GMEB1: variants seen among roughly 807,000 people sequenced by gnomAD.
The protein encoded by GMEB1 is glucocorticoid modulatory element binding protein 1, also known as glucocorticoid modulatory element-binding protein 1.
GMEB1 carries 6 observed loss-of-function variants against 52.4 expected under a neutral mutation model. The ratio of observed to expected loss-of-function variants is 0.11; its 90% CI spans 0.06 to 0.23. The LOEUF is 0.23. Ranked by LOEUF, GMEB1 falls within the 10% of genes least tolerant of loss-of-function variation. GMEB1 has a pLI of 1.00. For synonymous variants in GMEB1, 255 were observed against 244.9 expected, an observed-to-expected ratio of 1.04 and a Z score of -0.38; for missense variants, 486 against 685.6, an observed-to-expected ratio of 0.71 and a Z score of 3.25.
rs369685308 is a variant in GMEB1, at chr1:28,709,579, A to C, written c.869-941A>C. Among the ~76,000 whole-genome samples the C allele has an allele frequency of 3.3e-5, 5 of 151,972 alleles. No homozygotes were observed. In the East Asian group the frequency reaches 9.7e-4, roughly 30 times the overall value. On this transcript the variant is annotated intron_variant, in intron 8 of 9. Transcript: ENST00000373816. ...ATAAACAGATGCAAGATATTAAAAA[A>C]AAAAAATTTTTTTGAGATGGAGTCT...
At chr1:28,712,543 G>A (rs1268256459) in intron 9 of GMEB1, among the ~76,000 whole-genome samples, 1 of 152,136 alleles carries the variant, frequency 6.6e-6, no homozygotes, top group East Asian at 1.9e-4. Flanking sequence ...CATTTATGCC[G>A]GGCGCAGTGG....
chr1:28,691,482 G>C, intron 3 of GMEB1, 103 bp from the exon 4 acceptor site: 1 of 679,406 alleles, frequency 1.5e-6, no homozygotes, highest in Admixed American at 3.0e-5. Flanking sequence ...ACCAGCAAGA[G>C]TGAAGTATTA....
At chr1:28,670,154 T>TTTAC (rs997046180) in intron 1 of GMEB1, among the ~76,000 whole-genome samples, 1 of 64,898 alleles carries the variant, frequency 1.5e-5, no homozygotes, top group African/African-American at 3.5e-5. Context: ...GGGGACCCTT[T>TTTAC]TTATTTATTT....
Position 28,714,066 on chromosome 1 carries a change from TC to T in GMEB1, c.992-5del, listed in dbSNP as rs1465794652. On this transcript the variant is annotated splice_region_variant and splice_polypyrimidine_tract_variant and intron_variant, in intron 9 of 9. Coordinates refer to ENST00000373816, the MANE Select transcript of GMEB1 (RefSeq NM_001319674.2). ...CTCTACACAAAGTCTTTTCTTTTTT[TC>T]CATAGACTTGGAACGCCAGTTGGAG... 6.3e-7 allele frequency: 1 copy of T among 1,596,366 alleles called. No homozygotes were observed. Among genetic ancestry groups the T allele is most frequent in the African/African-American group, 1.3e-5 (1 of 74,098 alleles).
intron 1 of GMEB1, among the ~76,000 whole-genome samples, chr1:28,671,725 C>CA (rs1259887936): frequency 1.3e-5 from 2 of 151,682 alleles, no homozygotes; most frequent in East Asian, 3.9e-4. Context: ...GCCTGGGTGA[C>CA]AGAGTGAGAC....
rs1183463571 is a variant in GMEB1 at position 28,706,321 on chromosome 1, T to C, written c.868+1992T>C. On this transcript the variant is annotated intron_variant, in intron 8 of 9. Transcript: ENST00000373816. ...TTCTAATCTAATAGAAATGGGGTTA[T>C]GGGCCAGGCGTTGTGGCTCACGCCT... 3.3e-5 allele frequency among the ~76,000 whole-genome samples: 5 copies of C among 151,934 alleles called. No individual in the cohort carries two copies. In the East Asian group the frequency reaches 5.8e-4, roughly 18 times the overall value.
chr1:28,693,221 T>G (rs2124519281), intron 5 of GMEB1, among the ~76,000 whole-genome samples, 176 bp downstream of exon 5: 1 of 148,768 alleles, frequency 6.7e-6, no homozygotes, highest in African/African-American at 2.4e-5. Context: ...CGAGATTGAT[T>G]TTTTTTTTTT....
At chr1:28,695,261 C>T (rs1027145550) in intron 5 of GMEB1, among the ~76,000 whole-genome samples, 1 of 151,920 alleles carries the variant, frequency 6.6e-6, no homozygotes, top group Admixed American at 6.6e-5. Context: ...CCACCACACC[C>T]CACTTTTGTT....
chr1:28,685,742 C>T (rs1159756751), intron 2 of GMEB1, among the ~76,000 whole-genome samples: 5 of 151,994 alleles, frequency 3.3e-5, no homozygotes, highest in Non-Finnish European at 5.9e-5. Flanking sequence ...GGGCGGATCA[C>T]GAGGTCAGGA....
intron 5 of GMEB1, among the ~76,000 whole-genome samples, chr1:28,694,013 G>T (rs930095572): frequency 6.6e-6 from 1 of 151,774 alleles, no homozygotes; most frequent in Middle Eastern, 3.2e-3. Flanking sequence ...GGAATATTTT[G>T]CAGTCATTAA....
intron 2 of GMEB1, among the ~76,000 whole-genome samples, chr1:28,686,587 C>G (rs1259299504): frequency 2.2e-5 from 3 of 137,634 alleles, no homozygotes; most frequent in African/African-American, 8.1e-5. Context: ...CGAGATTGCA[C>G]TACTGCACTT....
At chr1:28,708,162 G>A (rs555526544) in intron 8 of GMEB1, among the ~76,000 whole-genome samples, 36 of 152,074 alleles carry the variant, frequency 2.4e-4, no homozygotes, top group Non-Finnish European at 4.1e-4. Context: ...GCCTCCCAAA[G>A]TGCTGGGATT....
chr1:28,707,108 G>A (rs1570433650), intron 8 of GMEB1, among the ~76,000 whole-genome samples: 3 of 144,890 alleles, frequency 2.1e-5, no homozygotes, highest in Middle Eastern at 7.2e-3. Context: ...ACAGCCTCCC[G>A]AGTAGCTGGG....
At chr1:28,699,117 ACC>A (rs932534520) in intron 6 of GMEB1, among the ~76,000 whole-genome samples, 2 of 152,168 alleles carry the variant, frequency 1.3e-5, no homozygotes, top group Non-Finnish European at 2.9e-5. Flanking sequence ...GACTCTGGAT[ACC>A]CCACTGTAAT....
chr1:28,705,082 CAAA>C (rs756423377), intron 8 of GMEB1, among the ~76,000 whole-genome samples: 5 of 49,220 alleles, frequency 1.0e-4, no homozygotes, highest in Admixed American at 2.4e-4. Context: ...GACCTTGTCT[CAAA>C]AAAAAAAAAA....
At chr1:28,694,061 T>C (rs1423184697) in intron 5 of GMEB1, among the ~76,000 whole-genome samples, 2 of 152,112 alleles carry the variant, frequency 1.3e-5, no homozygotes, top group African/African-American at 4.8e-5. Flanking sequence ...AAAATGCTTA[T>C]GACAATTTGA....
chr1:28,678,437 G>C (rs1262299777), intron 1 of GMEB1, among the ~76,000 whole-genome samples: 2 of 151,426 alleles, frequency 1.3e-5, no homozygotes, highest in Non-Finnish European at 1.5e-5. Flanking sequence ...AGCCTCCCGA[G>C]TAGCTTGGAC....
intron 1 of GMEB1, among the ~76,000 whole-genome samples, chr1:28,676,526 G>GACC (rs1225541023): frequency 6.6e-6 from 1 of 151,996 alleles, no homozygotes; most frequent in East Asian, 1.9e-4. Flanking sequence ...AGGAGATCGA[G>GACC]ACCATCCTGA....
rs569060311 is a variant in GMEB1, at chr1:28,685,827, C to T, written c.128+2087C>T. ...TACAAAAATTAGCTGGGCATGGTGG[C>T]GCATGTCTGTAATCCCAGCTACTCA... On this transcript the variant is annotated intron_variant, in intron 2 of 9. Transcript: ENST00000373816. Among the ~76,000 whole-genome samples the T allele has an allele frequency of 1.3e-3, 199 of 152,114 alleles. 5 individuals carry two copies. In the South Asian group the frequency reaches 0.039, roughly 29 times the overall value.
Sources: gnomAD v4.1 joint callset for allele counts (sites outside exome capture counted in the v4.1 genomes callset) on GRCh38, gnomAD v4.1.1 for gene constraint, MANE v1.5 for transcripts, NCBI Gene and HGNC (gene_info 2026-07-23, HGNC 2026-07-21) for gene names.